Variants in IQCM observed in about 807,000 individuals in gnomAD.
The protein encoded by IQCM is IQ motif containing M.
A neutral mutation model predicts 57.6 loss-of-function variants in IQCM; 45 were observed. That is an observed-to-expected ratio of 0.78 (90% CI 0.62 to 1.00). The LOEUF is 1.00. Ranked by LOEUF, IQCM falls within the 50% of genes least tolerant of loss-of-function variation. The pLI is 0.00. For missense variants in IQCM, 468 were observed against 511.6 expected, an observed-to-expected ratio of 0.91 and a Z score of 0.82; for synonymous variants, 148 against 158.9, an observed-to-expected ratio of 0.93 and a Z score of 0.51.
chr4:149,606,213 C>T (rs960924233), intron 8 of IQCM, among the ~76,000 whole-genome samples: 4 of 152,154 alleles, frequency 2.6e-5, no homozygotes, highest in Non-Finnish European at 4.4e-5. Flanking sequence ...AGCATCACCC[C>T]TCCCCCAGCT....
Position 149,577,673 on chromosome 4 carries a change from G to GA in IQCM, c.749+10256_749+10257insT, listed in dbSNP as rs56823091. 1.2e-3 allele frequency among the ~76,000 whole-genome samples: 189 copies of GA among 152,064 alleles called. 1 individual carries two copies. The highest frequency in any genetic ancestry group is 4.5e-3 in the African/African-American group (185 of 41,530). On this transcript the variant is annotated intron_variant, in intron 9 of 13. Transcript: ENST00000636793. ...TGAAGTAGGTAGTGTGATGCCTCTA[G>GA]TTTGTTCATTTTGCTTAGGATTGCT...
At chr4:149,619,134 A>C (rs754874059) in intron 8 of IQCM, among the ~76,000 whole-genome samples, 2 of 146,902 alleles carry the variant, frequency 1.4e-5, no homozygotes, top group Admixed American at 1.3e-4. Flanking sequence ...ATATATATAC[A>C]CCATGGAATA....
intron 12 of IQCM, among the ~76,000 whole-genome samples, chr4:149,496,567 C>A (rs1276668506): frequency 1.3e-5 from 2 of 151,984 alleles, no homozygotes; most frequent in Non-Finnish European, 2.9e-5. Context: ...AGGAAGAGGC[C>A]ATCAGCCCAA....
chr4:149,471,626 C>A (rs377682036), intron 12 of IQCM, among the ~76,000 whole-genome samples: 2 of 152,122 alleles, frequency 1.3e-5, no homozygotes, highest in African/African-American at 2.4e-5. Flanking sequence ...TTTTATGAGG[C>A]CAACATCATC....
intron 2 of IQCM, among the ~76,000 whole-genome samples, chr4:149,798,454 C>T (rs994797777): frequency 4.0e-5 from 6 of 151,852 alleles, no homozygotes; most frequent in African/African-American, 1.2e-4. Context: ...GCAAAACATT[C>T]AGAAAATAAA....
intron 10 of IQCM, among the ~76,000 whole-genome samples, chr4:149,557,498 C>T (rs1219300141): frequency 6.6e-6 from 1 of 152,120 alleles, no homozygotes; most frequent in Non-Finnish European, 1.5e-5. Context: ...CTCAAAGTGG[C>T]CTGGAATTTC....
At chr4:149,453,820 T>C (rs1737389789) in intron 12 of IQCM, among the ~76,000 whole-genome samples, 1 of 151,864 alleles carries the variant, frequency 6.6e-6, no homozygotes, top group African/African-American at 2.4e-5. Context: ...GGTTCTTCAG[T>C]ATGCTAAAGA....
At chr4:149,420,580 A>C (rs1734055804) in intron 13 of IQCM, among the ~76,000 whole-genome samples, 1 of 152,064 alleles carries the variant, frequency 6.6e-6, no homozygotes, top group South Asian at 2.1e-4. Context: ...ACCATGGCAC[A>C]CATTTTCCTG....
intron 2 of IQCM, among the ~76,000 whole-genome samples, chr4:149,751,879 T>C (rs1207295404): frequency 1.3e-5 from 2 of 152,050 alleles, no homozygotes; most frequent in Non-Finnish European, 2.9e-5. Context: ...CAAAGAAGGA[T>C]GGCGAGTGCC....
intron 9 of IQCM, among the ~76,000 whole-genome samples, chr4:149,575,303 G>A (rs1200806864): frequency 2.0e-5 from 3 of 151,804 alleles, no homozygotes; most frequent in Admixed American, 1.3e-4. Context: ...GATTTTTAAG[G>A]GGAGGGATGT....
At chr4:149,454,295 G>C (rs915031790) in intron 12 of IQCM, among the ~76,000 whole-genome samples, 4 of 151,546 alleles carry the variant, frequency 2.6e-5, no homozygotes, top group African/African-American at 9.7e-5. Flanking sequence ...CCATAAAATA[G>C]AGTGAGATCA....
chr4:149,752,577 G>C (rs995546890), intron 2 of IQCM, among the ~76,000 whole-genome samples: 10 of 149,450 alleles, frequency 6.7e-5, no homozygotes, highest in Non-Finnish European at 1.5e-4. Flanking sequence ...ATGGCTGAAA[G>C]CTTTTCCCTA....
intron 9 of IQCM, among the ~76,000 whole-genome samples, chr4:149,571,025 G>A (rs922394918): frequency 6.6e-6 from 1 of 152,036 alleles, no homozygotes; most frequent in Non-Finnish European, 1.5e-5. Flanking sequence ...AGAGAACAGG[G>A]AACCCCTGCA....
intron 7 of IQCM, among the ~76,000 whole-genome samples, chr4:149,676,699 C>T (rs1299917563): frequency 6.6e-6 from 1 of 151,998 alleles, no homozygotes; most frequent in African/African-American, 2.4e-5. Flanking sequence ...AAAGGCAAGG[C>T]TTCAAAAGGA....
chr4:149,464,376 A>T (rs1738622654), intron 12 of IQCM, among the ~76,000 whole-genome samples: 1 of 152,156 alleles, frequency 6.6e-6, no homozygotes, highest in African/African-American at 2.4e-5. Context: ...CGCAAACTAA[A>T]TTCTTGACAG....
At chr4:149,794,364 A>T (rs544474234) in intron 2 of IQCM, among the ~76,000 whole-genome samples, 1 of 152,322 alleles carries the variant, frequency 6.6e-6, no homozygotes, top group South Asian at 2.1e-4. Flanking sequence ...TCCAAAGAAA[A>T]CTACCAGCTT....
intron 8 of IQCM, among the ~76,000 whole-genome samples, chr4:149,600,838 A>T (rs945236862): frequency 6.6e-6 from 1 of 152,230 alleles, no homozygotes; most frequent in African/African-American, 2.4e-5. Context: ...AGATTAATCC[A>T]TCTGGGTGAA....
intron 13 of IQCM, among the ~76,000 whole-genome samples, chr4:149,418,414 C>T (rs1307768132): frequency 1.3e-5 from 2 of 151,964 alleles, no homozygotes; most frequent in African/African-American, 4.8e-5. Flanking sequence ...CCTGAATAGA[C>T]CAACAATGAG....
intron 7 of IQCM, among the ~76,000 whole-genome samples, chr4:149,622,324 A>G (rs1189072863): frequency 6.6e-6 from 1 of 150,968 alleles, no homozygotes; most frequent in Admixed American, 6.6e-5. Context: ...TCACAATCCA[A>G]TGTGAATCAG....
Sources: allele counts gnomAD v4.1 joint callset (sites outside exome capture counted in the v4.1 genomes callset), GRCh38; gene constraint gnomAD v4.1.1; transcripts MANE v1.5; gene names NCBI Gene and HGNC (gene_info 2026-07-23, HGNC 2026-07-21).